KHDRBS2: variants seen among roughly 807,000 people sequenced by gnomAD.
KHDRBS2 encodes the protein KH RNA binding domain containing, signal transduction associated 2.
Under a neutral mutation model 44.3 loss-of-function variants are expected in KHDRBS2, and 26 were observed. That is an observed-to-expected ratio of 0.59 (90% CI 0.43 to 0.81). The LOEUF (loss-of-function observed/expected upper bound fraction) is 0.81. KHDRBS2 is among the 40% of genes least tolerant of loss of function. The pLI is 0.00. For synonymous variants in KHDRBS2, 194 were observed against 151.1 expected (o/e 1.28, Z -2.08); for missense variants, 476 against 433.1 (o/e 1.10, Z -0.88).
chr6:61,660,519 C>A, the KHDRBS2 span, among the ~76,000 whole-genome samples: 1 of 151,670 alleles, frequency 6.6e-6, no homozygotes, highest in East Asian at 1.9e-4. Context: ...TTTATACTCC[C>A]CAGGTAGTTA....
chr6:61,954,183 T>G (rs1020484421), intron 4 of KHDRBS2, among the ~76,000 whole-genome samples: 1 of 152,094 alleles, frequency 6.6e-6, no homozygotes, highest in Non-Finnish European at 1.5e-5. Context: ...TGCCAAGGTC[T>G]GGGACTGTCT....
At chr6:62,123,744 A>G (rs1215312084) in intron 2 of KHDRBS2, among the ~76,000 whole-genome samples, 2 of 152,212 alleles carry the variant, frequency 1.3e-5, no homozygotes. Context: ...GATGAGATGC[A>G]TTTTATATGA....
chr6:62,150,536 A>C (rs1273565610), intron 2 of KHDRBS2, among the ~76,000 whole-genome samples: 2 of 152,200 alleles, frequency 1.3e-5, no homozygotes, highest in Non-Finnish European at 2.9e-5. Context: ...AATTCAGAGA[A>C]GTCCCATTTC....
intron 2 of KHDRBS2, among the ~76,000 whole-genome samples, chr6:62,073,489 A>G (rs1795661382): frequency 6.9e-6 from 1 of 145,180 alleles, no homozygotes; most frequent in African/African-American, 2.5e-5. Flanking sequence ...GCTCATCTTT[A>G]CAAAGAGCCA....
chr6:61,646,135 C>T, the KHDRBS2 span, among the ~76,000 whole-genome samples: 1 of 152,162 alleles, frequency 6.6e-6, no homozygotes, highest in Non-Finnish European at 1.5e-5. Flanking sequence ...GAACTGCGTT[C>T]AATCACTCTA....
At chr6:62,255,060 G>C (rs772131309) in intron 1 of KHDRBS2, among the ~76,000 whole-genome samples, 2 of 151,988 alleles carry the variant, frequency 1.3e-5, no homozygotes, top group Non-Finnish European at 2.9e-5. Context: ...GATAAACTCT[G>C]CTCAAGATCA....
intron 4 of KHDRBS2, among the ~76,000 whole-genome samples, chr6:61,931,090 AT>A (rs1300877851): frequency 6.6e-6 from 1 of 152,142 alleles, no homozygotes; most frequent in East Asian, 1.9e-4. Context: ...ACAATAAAAT[AT>A]TTTTATATTC....
At chr6:62,145,295 C>T (rs1047026422) in intron 2 of KHDRBS2, among the ~76,000 whole-genome samples, 17 of 150,942 alleles carry the variant, frequency 1.1e-4, no homozygotes, top group African/African-American at 3.2e-4. Flanking sequence ...TTCACAGTAT[C>T]AGTTCATGAA....
intron 1 of KHDRBS2, among the ~76,000 whole-genome samples, chr6:62,255,654 AC>A (rs1837277818): frequency 1.5e-5 from 2 of 132,022 alleles, no homozygotes; most frequent in African/African-American, 5.8e-5. Flanking sequence ...ACACACACAC[AC>A]AATGTAGAAA....
intron 6 of KHDRBS2, among the ~76,000 whole-genome samples, chr6:61,767,423 A>T (rs1335374770): frequency 6.6e-6 from 1 of 151,892 alleles, no homozygotes; most frequent in Non-Finnish European, 1.5e-5. Flanking sequence ...CTGCCACTCT[A>T]TGTCTTTTGA....
At chr6:61,952,552 T>C (rs774395045) in intron 4 of KHDRBS2, among the ~76,000 whole-genome samples, 1 of 152,074 alleles carries the variant, frequency 6.6e-6, no homozygotes, top group Admixed American at 6.6e-5. Flanking sequence ...GCAATCATTT[T>C]CAATGGCCAA....
intron 1 of KHDRBS2, among the ~76,000 whole-genome samples, chr6:62,283,644 T>C (rs1207827893): frequency 1.3e-5 from 2 of 152,122 alleles, no homozygotes; most frequent in Non-Finnish European, 2.9e-5. Flanking sequence ...AGAAATAAAA[T>C]AATCTCAACC....
intron 1 of KHDRBS2, among the ~76,000 whole-genome samples, chr6:62,233,922 T>C (rs1833285890): frequency 6.6e-6 from 1 of 152,176 alleles, no homozygotes; most frequent in Non-Finnish European, 1.5e-5. Flanking sequence ...GTCTCTGCTA[T>C]TGTGAATAGT....
the KHDRBS2 span, among the ~76,000 whole-genome samples, chr6:61,674,232 C>T: frequency 6.8e-6 from 1 of 146,732 alleles, no homozygotes; most frequent in Admixed American, 6.7e-5. Flanking sequence ...AGTAAAATGA[C>T]TGACTTCAAG....
chr6:61,574,263 G>A, the KHDRBS2 span: 26 of 1,135,380 alleles, frequency 2.3e-5, no homozygotes, highest in African/African-American at 4.6e-5. Flanking sequence ...ATGTTTAACG[G>A]CCGTGGTACC....
chr6:61,846,277 C>T (rs1355064205), intron 6 of KHDRBS2, among the ~76,000 whole-genome samples: 1 of 152,150 alleles, frequency 6.6e-6, no homozygotes, highest in Non-Finnish European at 1.5e-5. Context: ...TTATAGACTA[C>T]TGATTAAATT....
chr6:61,742,452 C>G (rs1238725563), intron 6 of KHDRBS2, among the ~76,000 whole-genome samples: 1 of 151,910 alleles, frequency 6.6e-6, no homozygotes, highest in East Asian at 1.9e-4. Flanking sequence ...CTTGTGTATT[C>G]TCTTGACTAT....
chr6:61,918,999 T>C (rs191045269), intron 4 of KHDRBS2, among the ~76,000 whole-genome samples: 1 of 152,064 alleles, frequency 6.6e-6, no homozygotes, highest in Admixed American at 6.6e-5. Flanking sequence ...ACCTGTTTTT[T>C]AAATTTCTAA....
chr6:61,990,026 T>C (rs930271748), intron 3 of KHDRBS2, among the ~76,000 whole-genome samples: 2 of 152,214 alleles, frequency 1.3e-5, no homozygotes, highest in South Asian at 2.1e-4. Context: ...AAGCACCAGT[T>C]GCCCACAGTT....
Sources: gnomAD v4.1 joint callset for allele counts (sites outside exome capture counted in the v4.1 genomes callset) on GRCh38, gnomAD v4.1.1 for gene constraint, MANE v1.5 for transcripts, NCBI Gene and HGNC (gene_info 2026-07-23, HGNC 2026-07-21) for gene names.